The following SERINC2 variants were observed in gnomAD, a reference collection of about 807,000 sequenced individuals.
The protein encoded by SERINC2 is tumor differentially expressed protein 2.
A neutral mutation model predicts 54.2 loss-of-function variants in SERINC2; 56 were observed. The ratio of observed to expected loss-of-function variants is 1.03; its 90% CI spans 0.83 to 1.29. SERINC2 has a LOEUF of 1.29. Ranked by LOEUF, SERINC2 falls within the 50% of genes most tolerant of loss-of-function variation. The pLI, the probability that SERINC2 is intolerant of heterozygous loss-of-function variation, is 0.00. For missense variants in SERINC2, 614 were observed against 607.4 expected (o/e 1.01, Z -0.12); for synonymous variants, 272 against 253.1 (o/e 1.07, Z -0.71).
rs994352955 is a variant in SERINC2 at position 31,434,354 on chromosome 1, C to T, written c.*155C>T. Reference sequence around the variant, plus strand: ...CTGCCCCTGAGCCGGGCCTTCTAGTCGTAGTGCCTTCAGGGTCCGAGGAGC... The same window carrying T: ...CTGCCCCTGAGCCGGGCCTTCTAGTTGTAGTGCCTTCAGGGTCCGAGGAGC... On this transcript the variant is annotated 3_prime_UTR_variant, in exon 10 of 10. Transcript: ENST00000373709. The T allele has an allele frequency of 3.5e-5, 25 of 724,528 alleles. No homozygotes were observed. Among genetic ancestry groups the T allele is most frequent in the Admixed American group, 1.1e-4 (4 of 36,024 alleles). 44.9% of individuals were successfully genotyped at this position (724,528 alleles called of 1,614,324 possible).
chr1:31,411,503 T>C (rs1301852549), upstream of SERINC2, among the ~76,000 whole-genome samples: 2 of 152,132 alleles, frequency 1.3e-5, no homozygotes, highest in Non-Finnish European at 2.9e-5. Flanking sequence ...CGGGGGAAAG[T>C]TGGGCATGTG....
rs188837359 is a variant in SERINC2 at position 31,428,125 on chromosome 1, C to T, written c.781-853C>T. On this transcript the variant is annotated intron_variant, in intron 6 of 9. Coordinates refer to ENST00000373709, the MANE Select transcript of SERINC2 (RefSeq NM_178865.5). ...ATCTCAGCTTACTGCAACCAACCTT[C>T]GCCTCCCAGGTTCAAGCAATTCTCC... 1.8e-3 allele frequency among the ~76,000 whole-genome samples: 280 copies of T among 152,098 alleles called. 2 individuals are homozygous for T. Among genetic ancestry groups the T allele is most frequent in the African/African-American group, 6.2e-3 (258 of 41,490 alleles).
intron 1 of SERINC2, chr1:31,414,387 A>C: frequency 8.7e-7 from 1 of 1,153,508 alleles, no homozygotes; most frequent in Non-Finnish European, 1.1e-6. Flanking sequence ...CGGCTGCTGA[A>C]TCTCGGGACT....
At chr1:31,431,445 T>C (rs1017225349) in intron 8 of SERINC2, among the ~76,000 whole-genome samples, 7 of 151,922 alleles carry the variant, frequency 4.6e-5, no homozygotes, top group African/African-American at 1.7e-4. Context: ...ATTTTACAGA[T>C]AGGGAAACTG....
chr1:31,431,122 C>T (rs187145094), intron 8 of SERINC2, among the ~76,000 whole-genome samples: 1 of 150,666 alleles, frequency 6.6e-6, no homozygotes, highest in Non-Finnish European at 1.5e-5. Context: ...CCCCTCCCCC[C>T]TCCTCTCTCT....
Position 31,434,309 on chromosome 1 carries a change from C to A in SERINC2, c.*110C>A, listed in dbSNP as rs1372004906. 28 of 1,186,312 alleles carry A rather than the reference C, an allele frequency of 2.4e-5. No individual in the cohort carries two copies. The highest frequency in any genetic ancestry group is 2.9e-5 in the Non-Finnish European group (24 of 836,388). 73.5% of individuals were successfully genotyped at this position (1,186,312 alleles called of 1,614,324 possible). On this transcript the variant is annotated 3_prime_UTR_variant, in exon 10 of 10. Coordinates refer to ENST00000373709, the MANE Select transcript of SERINC2 (RefSeq NM_178865.5). ...CCAATCAGCCAGGCTGAGCCCCCACCCCTGCCCCAGCTCCAGGACCTGCCC... is the reference window on the plus strand; with the variant it reads ...CCAATCAGCCAGGCTGAGCCCCCACACCTGCCCCAGCTCCAGGACCTGCCC...
In SERINC2 at chr1:31,413,490, C is replaced by A. The variant is rs1175170992; in HGVS notation, c.39+186C>A. Among the ~76,000 whole-genome samples, 1 of 152,062 alleles carries A rather than the reference C, an allele frequency of 6.6e-6. No homozygotes were observed. Among genetic ancestry groups the A allele is most frequent in the Non-Finnish European group, 1.5e-5 (1 of 67,970 alleles). ...GGCACCCGGATCCCGCTGCCCCCGTCCCCCTGCTCAGTCCTGGCCGGCAGG... is the reference window on the plus strand; with the variant it reads ...GGCACCCGGATCCCGCTGCCCCCGTACCCCTGCTCAGTCCTGGCCGGCAGG... On this transcript the variant is annotated intron_variant, in intron 1 of 9. Transcript: ENST00000373709. The surrounding 1 kb of genome is among the most constrained non-coding windows in gnomAD (Gnocchi z 5.0).
chr1:31,413,168 GCGGGGC>G (rs1305687522), upstream of SERINC2: 4 of 871,308 alleles, frequency 4.6e-6, no homozygotes, highest in Non-Finnish European at 5.4e-6. This position sits in a 1 kb window ranked among gnomAD's most constrained non-coding sequence, Gnocchi z 5.0. Flanking sequence ...CGGGGCCGGG[GCGGGGC>G]CGGGGCCGGG....
chr1:31,422,214 G>T (rs1640919066), intron 1 of SERINC2, among the ~76,000 whole-genome samples: 1 of 151,156 alleles, frequency 6.6e-6, no homozygotes, highest in Non-Finnish European at 1.5e-5. Flanking sequence ...TGGGAGGATG[G>T]CTTGAGCCCA....
intron 1 of SERINC2, among the ~76,000 whole-genome samples, chr1:31,420,532 G>GTTGT (rs55683816): frequency 0.15 from 22,902 of 151,748 alleles, 2,694 homozygotes; most frequent in African/African-American, 0.32. Context: ...TGGGTTTTTT[G>GTTGT]TTGTTTGTTT....
intron 4 of SERINC2, 25 bp from the exon 5 acceptor site, chr1:31,425,751 G>T: frequency 6.2e-7 from 1 of 1,609,024 alleles, no homozygotes; most frequent in Admixed American, 1.7e-5. Flanking sequence ...GACCCTCCTC[G>T]CCTCACTCCC....
At chr1:31,417,870 T>TTTTG (rs1553132373) in intron 1 of SERINC2, among the ~76,000 whole-genome samples, 1 of 148,046 alleles carries the variant, frequency 6.8e-6, no homozygotes, top group African/African-American at 2.5e-5. Flanking sequence ...TTTTTTTTTT[T>TTTTG]TTTTGAGACA....
chr1:31,431,868 TAG>T (rs1641237232), intron 8 of SERINC2, among the ~76,000 whole-genome samples: 2 of 19,400 alleles, frequency 1.0e-4, no homozygotes, highest in African/African-American at 9.2e-5. Flanking sequence ...ATAGGGTGGA[TAG>T]GGTGGACAGG....
chr1:31,429,327 A>G, intron 7 of SERINC2, 70 bp from the exon 8 acceptor site: 3 of 1,537,546 alleles, frequency 2.0e-6, no homozygotes, highest in Non-Finnish European at 2.6e-6. Flanking sequence ...CTCTCTAGCC[A>G]TCCTCAGGGC....
Position 31,413,730 on chromosome 1 carries a change from C to A in SERINC2, c.39+426C>A. ...CTGTGTAGGTCGCCCGGGCCCCGTC[C>A]CTCCTGGCGAGTGCCCTGCCCTACC... On this transcript the variant is annotated intron_variant, in intron 1 of 9. Transcript: ENST00000373709. The surrounding 1 kb of genome is among the most constrained non-coding windows in gnomAD (Gnocchi z 5.0). 7.7e-7 allele frequency: 1 copy of A among 1,298,412 alleles called. No individual in the cohort carries two copies. The highest frequency in any genetic ancestry group is 9.7e-7 in the Non-Finnish European group (1 of 1,026,420). The allele number at this position is 1,298,412 out of a possible 1,614,324, so 80.4% of individuals were successfully genotyped here.
chr1:31,424,262 G>A (rs1176730763), intron 2 of SERINC2, among the ~76,000 whole-genome samples: 2 of 152,106 alleles, frequency 1.3e-5, no homozygotes, highest in East Asian at 3.9e-4. Context: ...GATTCCCTGG[G>A]GAGTTTGTAG....
At chr1:31,427,331 A>G (rs1000920091) in intron 6 of SERINC2, among the ~76,000 whole-genome samples, 3 of 152,144 alleles carry the variant, frequency 2.0e-5, no homozygotes, top group Non-Finnish European at 4.4e-5. Flanking sequence ...TGTTCTTCAG[A>G]AAGTACCGCT....
chr1:31,410,838 G>A (rs1437356412), upstream of SERINC2, among the ~76,000 whole-genome samples: 1 of 152,194 alleles, frequency 6.6e-6, no homozygotes, highest in African/African-American at 2.4e-5. Flanking sequence ...TGGATAGGGA[G>A]GGGTTGGGGG....
intron 9 of SERINC2, 149 bp from the exon 10 acceptor site, chr1:31,433,915 C>G: frequency 2.6e-6 from 2 of 771,298 alleles, no homozygotes; most frequent in South Asian, 3.3e-5. Flanking sequence ...GTCACAAGGC[C>G]GGGTGTTAAA....
Sources: gnomAD v4.1 joint callset for allele counts (sites outside exome capture counted in the v4.1 genomes callset) on GRCh38, gnomAD v4.1.1 for gene constraint, Gnocchi (gnomAD v3.1) non-coding constraint, MANE v1.5 for transcripts, NCBI Gene and HGNC (gene_info 2026-07-23, HGNC 2026-07-21) for gene names.